Variants in ZNF567 observed in about 807,000 individuals in gnomAD.
ZNF567 encodes the protein zinc finger protein 567.
A neutral mutation model predicts 53.9 loss-of-function variants in ZNF567; 36 were observed. The observed-to-expected ratio is 0.67, with a 90% confidence interval of 0.51 to 0.88. The LOEUF is 0.88. Among genes scored for constraint, ZNF567 ranks in the 40% least tolerant of loss-of-function variants. The pLI, the probability that ZNF567 is intolerant of heterozygous loss-of-function variation, is 0.00. For synonymous variants in ZNF567, 224 were observed against 260.4 expected (o/e 0.86, Z 1.35); for missense variants, 619 against 764.7 (o/e 0.81, Z 2.25).
chr19:36,720,757 T>C lies in ZNF567; in HGVS notation c.*89T>C. 2 of 1,191,908 alleles carry C rather than the reference T, an allele frequency of 1.7e-6. No homozygotes were observed. The highest frequency in any genetic ancestry group is 2.3e-6 in the Non-Finnish European group (2 of 875,764). The allele number at this position is 1,191,908 out of a possible 1,614,324, so 73.8% of individuals were successfully genotyped here. ...AGCATGCTGAAACATGTTAATGTAA[T>C]TTTAAATCACAAGTCTAATAATTAT... On this transcript the variant is annotated 3_prime_UTR_variant, in exon 6 of 6. Coordinates refer to ENST00000682579, the MANE Select transcript of ZNF567 (RefSeq NM_001322917.1).
intron 5 of ZNF567, among the ~76,000 whole-genome samples, chr19:36,713,860 G>A (rs1600565926): frequency 6.6e-6 from 1 of 151,190 alleles, no homozygotes; most frequent in Admixed American, 6.6e-5. Flanking sequence ...GCTTAAACCC[G>A]GTAGGCGGAG....
chr19:36,723,070 C>A, downstream of ZNF567: 1 of 653,038 alleles, frequency 1.5e-6, no homozygotes, highest in South Asian at 1.7e-5. Context: ...CTGTGAGAAC[C>A]CAAGGATTTT....
At chr19:36,702,180 A>G (rs1418012581) in intron 3 of ZNF567, among the ~76,000 whole-genome samples, 1 of 152,016 alleles carries the variant, frequency 6.6e-6, no homozygotes, top group Non-Finnish European at 1.5e-5. Context: ...TCCTTCACTT[A>G]TGAAGCTTAG....
intron 1 of ZNF567, among the ~76,000 whole-genome samples, chr19:36,688,953 G>A (rs2038429109): frequency 6.6e-6 from 1 of 152,018 alleles, no homozygotes; most frequent in Non-Finnish European, 1.5e-5. Flanking sequence ...ATAAAAATTA[G>A]CTGGGCATGA....
the ZNF567 span, among the ~76,000 whole-genome samples, chr19:36,680,482 A>G: frequency 5.3e-5 from 8 of 152,298 alleles, no homozygotes; most frequent in Middle Eastern, 3.4e-3. Flanking sequence ...GGAAATGTGT[A>G]GGTAGTTTTT....
chr19:36,724,235 A>G (rs969017778), downstream of ZNF567, among the ~76,000 whole-genome samples: 21 of 151,442 alleles, frequency 1.4e-4, no homozygotes, highest in Non-Finnish European at 2.8e-4. Context: ...CGAACATCCG[A>G]CTTCAGGTGA....
intron 3 of ZNF567, among the ~76,000 whole-genome samples, chr19:36,697,918 C>CTTTTTTTTTTTTTTTTTTTTTTTT (rs71171464): frequency 7.4e-6 from 1 of 135,746 alleles, no homozygotes. Context: ...GCTGGAATTT[C>CTTTTTTTTTTTTTTTTTTTTTTTT]TTTTTTTTTT....
chr19:36,725,460 C>T (rs1010313454), downstream of ZNF567, among the ~76,000 whole-genome samples: 1 of 152,170 alleles, frequency 6.6e-6, no homozygotes, highest in Non-Finnish European at 1.5e-5. Context: ...GCCTCGGCCT[C>T]CCAAAGTGCT....
chr19:36,667,861 G>A, the ZNF567 span, among the ~76,000 whole-genome samples: 2 of 151,894 alleles, frequency 1.3e-5, no homozygotes, highest in African/African-American at 4.8e-5. Context: ...GTGTTAGCCA[G>A]GATGGTCTCG....
chr19:36,723,225 G>A (rs764836502), downstream of ZNF567: 45 of 702,726 alleles, frequency 6.4e-5, no homozygotes, highest in East Asian at 1.1e-4. Flanking sequence ...TTATCCTAGC[G>A]TCAACCCACC....
At chr19:36,715,734 G>A (rs769936604) in intron 5 of ZNF567, among the ~76,000 whole-genome samples, 1 of 151,104 alleles carries the variant, frequency 6.6e-6, no homozygotes, top group Non-Finnish European at 1.5e-5. Flanking sequence ...TCTCCATGTT[G>A]GTCAGGCTGG....
upstream of ZNF567, among the ~76,000 whole-genome samples, chr19:36,682,633 A>G (rs2038204289): frequency 7.1e-6 from 1 of 140,772 alleles, no homozygotes; most frequent in African/African-American, 2.7e-5. Context: ...TTTGAGACGG[A>G]GTCTCACTCT....
intron 3 of ZNF567, among the ~76,000 whole-genome samples, chr19:36,698,737 C>A (rs2145658172): frequency 6.6e-6 from 1 of 152,092 alleles, no homozygotes; most frequent in African/African-American, 2.4e-5. Context: ...TGAGAAGTGT[C>A]TGTTCATATC....
chr19:36,718,745 G>T (rs895253350), intron 5 of ZNF567, among the ~76,000 whole-genome samples: 1 of 152,052 alleles, frequency 6.6e-6, no homozygotes, highest in Non-Finnish European at 1.5e-5. Context: ...AATGCAAAAG[G>T]TATTAATGTT....
chr19:36,681,399 T>G, the ZNF567 span, among the ~76,000 whole-genome samples: 71 of 152,148 alleles, frequency 4.7e-4, no homozygotes, highest in Admixed American at 4.7e-3. Flanking sequence ...ATCTTTTCTG[T>G]CAGGTTTTTG....
intron 3 of ZNF567, among the ~76,000 whole-genome samples, chr19:36,698,073 CCT>C (rs2038982378): frequency 6.6e-6 from 1 of 151,904 alleles, no homozygotes; most frequent in Non-Finnish European, 1.5e-5. Context: ...ATCCCTCCCC[CCT>C]CTCCCCACCC....
At chr19:36,669,243 C>G in the ZNF567 span, 1 of 152,044 alleles carries the variant, frequency 6.6e-6, no homozygotes, top group Non-Finnish European at 1.5e-5. Context: ...CGAATATGCT[C>G]AAGTCTCTGG....
At chr19:36,722,050 A>C (rs2040309744), downstream of ZNF567, among the ~76,000 whole-genome samples, 1 of 151,946 alleles carries the variant, frequency 6.6e-6, no homozygotes, top group East Asian at 2.0e-4. Context: ...CTACAACATA[A>C]GCCTTTTCTA....
chr19:36,692,500 G>A (rs1221346189), intron 2 of ZNF567, among the ~76,000 whole-genome samples: 1 of 152,120 alleles, frequency 6.6e-6, no homozygotes, highest in East Asian at 1.9e-4. Flanking sequence ...AGCCTCCTGA[G>A]TAGCTGGGAC....
Sources: allele counts gnomAD v4.1 joint callset (sites outside exome capture counted in the v4.1 genomes callset), GRCh38; gene constraint gnomAD v4.1.1; transcripts MANE v1.5; gene names NCBI Gene and HGNC (gene_info 2026-07-23, HGNC 2026-07-21).